CNTN4: variants seen among roughly 807,000 people sequenced by gnomAD.
CNTN4 encodes contactin-4.
CNTN4 carries 77 observed loss-of-function variants against 122.5 expected under a neutral mutation model. The ratio of observed to expected loss-of-function variants is 0.63; its 90% CI spans 0.52 to 0.76. CNTN4 has a LOEUF of 0.76. Among genes scored for constraint, CNTN4 ranks in the 30% least tolerant of loss-of-function variants. CNTN4 has a pLI of 0.00. For synonymous variants in CNTN4, 512 were observed against 447.0 expected, an observed-to-expected ratio of 1.15 and a Z score of -1.83; for missense variants, 1,256 against 1,259.1, an observed-to-expected ratio of 1.00 and a Z score of 0.04.
chr3:3,019,742 AGGG>A (rs1698106640), intron 14 of CNTN4, among the ~76,000 whole-genome samples: 1 of 146,112 alleles, frequency 6.8e-6, no homozygotes, highest in African/African-American at 2.5e-5. Context: ...GGTAGGGAGA[AGGG>A]GTGTGTGTGT....
intron 4 of CNTN4, among the ~76,000 whole-genome samples, chr3:2,694,297 C>G (rs1471897359): frequency 6.6e-6 from 1 of 152,038 alleles, no homozygotes; most frequent in African/African-American, 2.4e-5. Flanking sequence ...GCACAGTGCT[C>G]AGCACAAAGT....
At chr3:2,557,527 AC>A (rs2078768685) in intron 3 of CNTN4, among the ~76,000 whole-genome samples, 1 of 152,176 alleles carries the variant, frequency 6.6e-6, no homozygotes, top group South Asian at 2.1e-4. Flanking sequence ...GGAGATCGAG[AC>A]CATCCTGGCT....
intron 3 of CNTN4, among the ~76,000 whole-genome samples, chr3:2,525,708 G>A (rs1265321499): frequency 2.6e-5 from 4 of 152,018 alleles, no homozygotes; most frequent in Non-Finnish European, 5.9e-5. Context: ...TATATTATCT[G>A]GAACACAATC....
chr3:2,109,999 TAA>T (rs2032818391), intron 2 of CNTN4, among the ~76,000 whole-genome samples: 1 of 152,258 alleles, frequency 6.6e-6, no homozygotes, highest in Middle Eastern at 3.2e-3. Flanking sequence ...AATGGTAAAT[TAA>T]GAGTTGCTTT....
chr3:3,024,400 A>AC (rs1189174628), intron 14 of CNTN4, among the ~76,000 whole-genome samples: 3 of 145,226 alleles, frequency 2.1e-5, no homozygotes, highest in Non-Finnish European at 4.6e-5. Flanking sequence ...AAAAAAAAAA[A>AC]AAAAAAAACA....
chr3:2,250,114 T>G (rs1172241063), intron 2 of CNTN4, among the ~76,000 whole-genome samples: 1 of 151,970 alleles, frequency 6.6e-6, no homozygotes, highest in Non-Finnish European at 1.5e-5. Context: ...TCGAATAACA[T>G]TTCATATAAT....
In CNTN4 at chr3:2,729,284, G is replaced by A. The variant is rs115655197; in HGVS notation, c.56-6931G>A. 7.1e-3 allele frequency among the ~76,000 whole-genome samples: 1,076 copies of A among 152,230 alleles called. 11 individuals carry two copies. The highest frequency in any genetic ancestry group is 0.025 in the African/African-American group (1,019 of 41,530). On this transcript the variant is annotated intron_variant, in intron 4 of 24. Coordinates refer to ENST00000418658, the MANE Select transcript of CNTN4 (RefSeq NM_175607.3). The stretch of plus-strand genomic sequence containing the variant: ...CCTAACCTGTTTAGAAATGAAAGTG[G>A]CCGGGCGCGGTGGCTCACGCCTGTA...
At chr3:2,267,032 T>C (rs1394720328) in intron 2 of CNTN4, among the ~76,000 whole-genome samples, 1 of 152,138 alleles carries the variant, frequency 6.6e-6, no homozygotes, top group East Asian at 1.9e-4. Context: ...AGTTATGTCT[T>C]GTAAAGAAAG....
intron 3 of CNTN4, among the ~76,000 whole-genome samples, chr3:2,394,190 GA>G (rs542437518): frequency 4.6e-5 from 7 of 151,012 alleles, no homozygotes; most frequent in Non-Finnish European, 8.9e-5. Flanking sequence ...TATTGAGAAT[GA>G]AAAAAAGGCA....
At chr3:2,558,330 C>T (rs1228039209) in intron 3 of CNTN4, among the ~76,000 whole-genome samples, 1 of 152,156 alleles carries the variant, frequency 6.6e-6, no homozygotes, top group Non-Finnish European at 1.5e-5. Context: ...CACAATCTTG[C>T]ATTGTTTATA....
At chr3:2,666,606 T>C (rs2084180803) in intron 4 of CNTN4, among the ~76,000 whole-genome samples, 1 of 152,194 alleles carries the variant, frequency 6.6e-6, no homozygotes, top group African/African-American at 2.4e-5. Context: ...TTTTATTTTT[T>C]ATTATACTTT....
At chr3:2,435,350 A>T (rs969279025) in intron 3 of CNTN4, among the ~76,000 whole-genome samples, 1 of 152,016 alleles carries the variant, frequency 6.6e-6, no homozygotes, top group Non-Finnish European at 1.5e-5. Flanking sequence ...ACCTTAAATC[A>T]CCTCTGGATT....
intron 3 of CNTN4, among the ~76,000 whole-genome samples, chr3:2,351,413 AT>A (rs1303056457): frequency 4.0e-5 from 6 of 151,702 alleles, no homozygotes; most frequent in African/African-American, 1.5e-4. Context: ...GTTTTCCACA[AT>A]TTTTTTTTCT....
In CNTN4 at chr3:2,967,014, T is replaced by C. The variant is rs143802180; in HGVS notation, c.1359-21331T>C. Among the ~76,000 whole-genome samples the C allele has an allele frequency of 4.2e-3, 634 of 152,296 alleles. 1 individual carries two copies. Among genetic ancestry groups the C allele is most frequent in the Non-Finnish European group, 6.2e-3 (420 of 68,016 alleles). ...ATTTATCAAGACAGGGGAATTGCAATAGAGAAAGTATAATTCACTCAGAGC... is the reference window on the plus strand; with the variant it reads ...ATTTATCAAGACAGGGGAATTGCAACAGAGAAAGTATAATTCACTCAGAGC... On this transcript the variant is annotated intron_variant, in intron 13 of 24. Coordinates refer to ENST00000418658, the MANE Select transcript of CNTN4 (RefSeq NM_175607.3).
chr3:2,792,997 C>T (rs1462939678), intron 6 of CNTN4, among the ~76,000 whole-genome samples: 2 of 152,174 alleles, frequency 1.3e-5, no homozygotes. Context: ...GACATGTAAC[C>T]TCCTTGGGGA....
intron 6 of CNTN4, among the ~76,000 whole-genome samples, chr3:2,808,706 A>G (rs1026366033): frequency 6.6e-6 from 1 of 152,212 alleles, no homozygotes; most frequent in Non-Finnish European, 1.5e-5. Flanking sequence ...TTGCAAAGCA[A>G]TAACTCCAGT....
In CNTN4 at chr3:2,819,594, G is replaced by A. The variant is rs755783590; in HGVS notation, c.454+13G>A. On this transcript the variant is annotated intron_variant, in intron 7 of 24. Coordinates refer to ENST00000418658, the MANE Select transcript of CNTN4 (RefSeq NM_175607.3). ...CCCCATTCTGGAGGTACATATAAAT[G>A]AACTGACATATGCATGCTTCACTCT... is the stretch of plus-strand genomic sequence containing the variant. The A allele has an allele frequency of 6.4e-7, 1 of 1,563,718 alleles. No individual in the cohort carries two copies. The highest frequency in any genetic ancestry group is 1.7e-5 in the Admixed American group (1 of 59,962).
chr3:2,811,688 G>A (rs1234339896), intron 6 of CNTN4, among the ~76,000 whole-genome samples: 3 of 150,012 alleles, frequency 2.0e-5, no homozygotes, highest in Admixed American at 1.3e-4. Flanking sequence ...GTTTTTAGAC[G>A]GAGTCTTGCT....
chr3:2,199,395 C>A (rs1258267494), intron 2 of CNTN4, among the ~76,000 whole-genome samples: 1 of 151,614 alleles, frequency 6.6e-6, no homozygotes, highest in Non-Finnish European at 1.5e-5. Flanking sequence ...TGCAGAGATC[C>A]CTCCGTACCT....
Sources: gnomAD v4.1 joint callset for allele counts (sites outside exome capture counted in the v4.1 genomes callset) on GRCh38, gnomAD v4.1.1 for gene constraint, MANE v1.5 for transcripts, NCBI Gene and HGNC (gene_info 2026-07-23, HGNC 2026-07-21) for gene names.